The following ADRB1 variants were observed in gnomAD, a reference collection of about 807,000 sequenced individuals.
The protein encoded by ADRB1 is adrenoceptor beta 1.
For missense variants in ADRB1, 635 were observed against 709.1 expected, an observed-to-expected ratio of 0.90 and a Z score of 1.19; for synonymous variants, 365 against 347.2, an observed-to-expected ratio of 1.05 and a Z score of -0.57.
rs1488775011 is a variant in ADRB1 at position 114,045,428 on chromosome 10, C to T, written c.1296C>T (p.Asp432=). The T allele has an allele frequency of 5.6e-6, 7 of 1,242,716 alleles. No individual in the cohort carries two copies. The highest frequency in any genetic ancestry group is 2.8e-4 in the Middle Eastern group (1 of 3,622). 77.0% of individuals were successfully genotyped at this position (1,242,716 alleles called of 1,614,324 possible). A position where few individuals can be genotyped will look rare whatever the true frequency, so the allele number is the denominator to read the frequency against. The change falls in exon 1 of 1, where the codon GAC becomes GAT. Residue 432 remains aspartate (D), a synonymous_variant. Coordinates refer to ENST00000369295, the MANE Select transcript of ADRB1 (RefSeq NM_000684.3). ...PSPGAASDDD[D]DDVVGATPPA... ...CCGGGGCCGCCTCGGACGACGACGA[C>T]GACGATGTCGTCGGGGCCACGCCGC... is the stretch of plus-strand genomic sequence containing the variant.
rs1471446460 is a variant in ADRB1 at position 114,045,536 on chromosome 10, C to A, written c.1404C>A (p.Arg468=). The change falls in exon 1 of 1, where the codon CGC becomes CGA. Residue 468 remains arginine (R), a synonymous_variant. Transcript: ENST00000369295. ...DSDSSLDEPC[R]PGFASESKV is the part of the protein sequence containing the mutation. ...ACTCGAGCCTGGACGAGCCGTGCCG[C>A]CCCGGCTTCGCCTCGGAATCCAAGG... is the stretch of plus-strand genomic sequence containing the variant. 1.5e-6 allele frequency: 2 copies of A among 1,308,790 alleles called. No homozygotes were observed. The highest frequency in any genetic ancestry group is 2.0e-6 in the Non-Finnish European group (2 of 1,025,192). The allele number at this position is 1,308,790 out of a possible 1,614,324, so 81.1% of individuals were successfully genotyped here.
chr10:114,044,948 G>T lies in ADRB1; in HGVS notation c.816G>T (p.Pro272=). 1.6e-6 allele frequency: 2 copies of T among 1,268,034 alleles called. No individual in the cohort carries two copies. The highest frequency in any genetic ancestry group is 2.0e-6 in the Non-Finnish European group (2 of 1,000,678). The allele number at this position is 1,268,034 out of a possible 1,614,324, so 78.5% of individuals were successfully genotyped here. The part of the protein sequence containing the change: ...ERRFLGGPAR[P]PSPSPSPVPA... ...GTTTCCTCGGCGGCCCAGCGCGGCC[G>T]CCCTCGCCCTCGCCCTCGCCCGTCC... Residue 272 remains proline, a synonymous_variant, in exon 1 of 1, where the codon CCG becomes CCT. Transcript: ENST00000369295. This position sits in a 1 kb window ranked among gnomAD's most constrained non-coding sequence, Gnocchi z 7.8.
rs1847551484 is a variant in ADRB1 at position 114,045,576 on chromosome 10, C to T, written c.*10C>T. 7.8e-7 allele frequency: 1 copy of T among 1,280,542 alleles called. No homozygotes were observed. The highest frequency in any genetic ancestry group is 9.9e-7 in the Non-Finnish European group (1 of 1,006,146). 79.3% of individuals were successfully genotyped at this position (1,280,542 alleles called of 1,614,324 possible). ...GGAATCCAAGGTGTAGGGCCCGGCG[C>T]GGGGCGCGGACTCCGGGCACGGCTT... is the stretch of plus-strand genomic sequence containing the variant. On this transcript the variant is annotated 3_prime_UTR_variant, in exon 1 of 1. Transcript: ENST00000369295.
At position 114,045,061 on chromosome 10, in the gene ADRB1, G is replaced by T. The variant is rs1386005709; in HGVS notation, c.929G>T (p.Arg310Leu). 7.2e-7 allele frequency: 1 copy of T among 1,390,860 alleles called. No homozygotes were observed. Among genetic ancestry groups the T allele is most frequent in the Non-Finnish European group, 9.4e-7 (1 of 1,061,098 alleles). 86.2% of individuals were successfully genotyped at this position (1,390,860 alleles called of 1,614,324 possible). The change falls in exon 1 of 1, where the codon CGG becomes CTG. Residue 310 changes from arginine to leucine, a missense_variant. Arg to Leu is a moderately radical substitution (Grantham distance 102). Coordinates refer to ENST00000369295, the MANE Select transcript of ADRB1 (RefSeq NM_000684.3). ...GCCAACGGGCGTGCGGGTAAGCGGC[G>T]GCCCTCGCGCCTCGTGGCCCTGCGC... ...PLANGRAGKR[R>L]PSRLVALREQ...
chr10:114,045,431 C>A lies in ADRB1; in HGVS notation c.1299C>A (p.Asp433Glu). Residue 433 changes from aspartate to glutamate, a missense_variant, in exon 1 of 1, where the codon GAC becomes GAA. By Grantham distance (45) the Asp-to-Glu change is conservative (BLOSUM62 2). Coordinates refer to ENST00000369295, the MANE Select transcript of ADRB1 (RefSeq NM_000684.3). ...GGGCCGCCTCGGACGACGACGACGACGATGTCGTCGGGGCCACGCCGCCCG... is the reference window on the plus strand; with the variant it reads ...GGGCCGCCTCGGACGACGACGACGAAGATGTCGTCGGGGCCACGCCGCCCG... ...SPGAASDDDD[D>E]DVVGATPPAR... 2.4e-6 allele frequency: 3 copies of A among 1,243,218 alleles called. No individual in the cohort carries two copies. Among genetic ancestry groups the A allele is most frequent in the Non-Finnish European group, 3.0e-6 (3 of 992,574 alleles). 77.0% of individuals were successfully genotyped at this position (1,243,218 alleles called of 1,614,324 possible).
At position 114,044,947 on chromosome 10, in the gene ADRB1, C is replaced by CGCCCTG; in HGVS notation, c.820_821insGGCCCT (p.Pro273_Ser274insTrpPro). On this transcript the variant is annotated inframe_insertion, in exon 1 of 1. Transcript: ENST00000369295. This position sits in a 1 kb window ranked among gnomAD's most constrained non-coding sequence, Gnocchi z 7.8. ...CGTTTCCTCGGCGGCCCAGCGCGGCCGCCCTCGCCCTCGCCCTCGCCCGTC... is the reference window on the plus strand; with the variant it reads ...CGTTTCCTCGGCGGCCCAGCGCGGCCGCCCTGGCCCTCGCCCTCGCCCTCGCCCGTC... 1 of 1,268,458 alleles carries CGCCCTG rather than the reference C, an allele frequency of 7.9e-7. No homozygotes were observed. The highest frequency in any genetic ancestry group is 2.9e-5 in the South Asian group (1 of 34,150). 78.6% of individuals were successfully genotyped at this position (1,268,458 alleles called of 1,614,324 possible).
At position 114,045,252 on chromosome 10, in the gene ADRB1, C is replaced by A. The variant is rs1337762937; in HGVS notation, c.1120C>A (p.Pro374Thr). ...GGGCTACGCCAACTCGGCCTTCAACCCCATCATCTACTGCCGCAGCCCCGA... is the reference window on the plus strand; with the variant it reads ...GGGCTACGCCAACTCGGCCTTCAACACCATCATCTACTGCCGCAGCCCCGA... The part of the protein sequence containing the change: ...WLGYANSAFN[P>T]IIYCRSPDFR... The change falls in exon 1 of 1, where the codon CCC becomes ACC. Residue 374 changes from proline (P) to threonine (T), a missense_variant. By Grantham distance (38) the Pro-to-Thr change is conservative (BLOSUM62 -1). Coordinates refer to ENST00000369295, the MANE Select transcript of ADRB1 (RefSeq NM_000684.3). The A allele has an allele frequency of 3.1e-6, 5 of 1,598,134 alleles. No individual in the cohort carries two copies. Among genetic ancestry groups the A allele is most frequent in the Non-Finnish European group, 4.3e-6 (5 of 1,172,290 alleles).
In ADRB1 at chr10:114,044,339, G is replaced by A. The variant is rs116403933; in HGVS notation, c.207G>A (p.Val69=). ...TGGGTCTGCTGATGGCGCTCATCGTGCTGCTCATCGTGGCGGGCAATGTGC... is the reference window on the plus strand; with the variant it reads ...TGGGTCTGCTGATGGCGCTCATCGTACTGCTCATCGTGGCGGGCAATGTGC... ...AGMGLLMALI[V]LLIVAGNVLV... The change falls in exon 1 of 1, where the codon GTG becomes GTA. Residue 69 remains valine, a synonymous_variant. Transcript: ENST00000369295. This position sits in a 1 kb window ranked among gnomAD's most constrained non-coding sequence, Gnocchi z 7.8. 725 of 1,604,038 alleles carry A rather than the reference G, an allele frequency of 4.5e-4. 2 individuals are homozygous for A. In the African/African-American group the frequency reaches 8.5e-3, roughly 19 times the overall value.
At position 114,044,967 on chromosome 10, in the gene ADRB1, C is replaced by T. The variant is rs1327929685; in HGVS notation, c.835C>T (p.Pro279Ser). The change falls in exon 1 of 1, where the codon CCC becomes TCC. Residue 279 changes from proline to serine, a missense_variant. Coordinates refer to ENST00000369295, the MANE Select transcript of ADRB1 (RefSeq NM_000684.3). The surrounding 1 kb of genome is among the most constrained non-coding windows in gnomAD (Gnocchi z 7.8). ...GCGGCCGCCCTCGCCCTCGCCCTCG[C>T]CCGTCCCCGCGCCCGCGCCGCCGCC... The part of the protein sequence containing the change: ...PARPPSPSPS[P>S]VPAPAPPPGP... 5 of 1,218,992 alleles carry T rather than the reference C, an allele frequency of 4.1e-6. No homozygotes were observed. The highest frequency in any genetic ancestry group is 5.1e-6 in the Non-Finnish European group (5 of 972,348). 75.5% of individuals were successfully genotyped at this position (1,218,992 alleles called of 1,614,324 possible). A position where few individuals can be genotyped will look rare whatever the true frequency, so the allele number is the denominator to read the frequency against.
Position 114,044,474 on chromosome 10 carries a change from C to T in ADRB1, c.342C>T (p.Phe114=), listed in dbSNP as rs1327731391. The T allele has an allele frequency of 1.9e-6, 3 of 1,613,470 alleles. No individual in the cohort carries two copies. In the Admixed American group the frequency reaches 5.0e-5, roughly 27 times the overall value. Residue 114 remains phenylalanine (F), a synonymous_variant, in exon 1 of 1, where the codon TTC becomes TTT. Coordinates refer to ENST00000369295, the MANE Select transcript of ADRB1 (RefSeq NM_000684.3). This position sits in a 1 kb window ranked among gnomAD's most constrained non-coding sequence, Gnocchi z 7.8. ...DLVMGLLVVP[F]GATIVVWGRW... ...TCATGGGGCTGCTGGTGGTGCCGTT[C>T]GGGGCCACCATCGTGGTGTGGGGCC... is the stretch of plus-strand genomic sequence containing the variant.
chr10:114,046,266 A>G lies in ADRB1; in HGVS notation c.*700A>G, dbSNP rs950910403. 1 of 167,120 alleles carries G rather than the reference A, an allele frequency of 6.0e-6. No homozygotes were observed. Among genetic ancestry groups the G allele is most frequent in the Non-Finnish European group, 1.5e-5 (1 of 68,138 alleles). 10.4% of individuals were successfully genotyped at this position (167,120 alleles called of 1,614,324 possible). A position where few individuals can be genotyped will look rare whatever the true frequency, so the allele number is the denominator to read the frequency against. On this transcript the variant is annotated 3_prime_UTR_variant, in exon 1 of 1. Coordinates refer to ENST00000369295, the MANE Select transcript of ADRB1 (RefSeq NM_000684.3). ...CGCGCCTGGGTGGTCAGGCTGAGGGATTTCTACCTCACACTGTGCATTTGC... is the reference window on the plus strand; with the variant it reads ...CGCGCCTGGGTGGTCAGGCTGAGGGGTTTCTACCTCACACTGTGCATTTGC...
At position 114,044,859 on chromosome 10, in the gene ADRB1, G is replaced by T. The variant is rs767612956; in HGVS notation, c.727G>T (p.Val243Leu). The T allele has an allele frequency of 2.5e-6, 4 of 1,613,486 alleles. No individual in the cohort carries two copies. The South Asian group carries it at 4.4e-5, about 18-fold the overall frequency. ...CGTGCCCCTGTGCATCATGGCCTTC[G>T]TGTACCTGCGGGTGTTCCGCGAGGC... ...FYVPLCIMAF[V>L]YLRVFREAQK... is the part of the protein sequence containing the mutation. Residue 243 changes from valine (V) to leucine (L), a missense_variant, in exon 1 of 1, where the codon GTG (valine) becomes TTG (leucine). Coordinates refer to ENST00000369295, the MANE Select transcript of ADRB1 (RefSeq NM_000684.3). The surrounding 1 kb of genome is among the most constrained non-coding windows in gnomAD (Gnocchi z 7.8).
rs1394142993 is a variant in ADRB1, at chr10:114,045,024, A to G, written c.892A>G (p.Thr298Ala). Reference protein sequence around the residue: ...GPPRPAAAAATAPLANGRAGK... With the variant: ...GPPRPAAAAAAAPLANGRAGK... ...CCCGCGCCCCGCCGCCGCCGCCGCC[A>G]CCGCCCCGCTGGCCAACGGGCGTGC... is the stretch of plus-strand genomic sequence containing the variant. The change falls in exon 1 of 1, where the codon ACC (threonine) becomes GCC (alanine). Residue 298 changes from threonine to alanine, a missense_variant. Coordinates refer to ENST00000369295, the MANE Select transcript of ADRB1 (RefSeq NM_000684.3). 1.5e-5 allele frequency: 17 copies of G among 1,152,594 alleles called. No homozygotes were observed. The highest frequency in any genetic ancestry group is 1.7e-5 in the African/African-American group (1 of 60,602). 71.4% of individuals were successfully genotyped at this position (1,152,594 alleles called of 1,614,324 possible). A position where few individuals can be genotyped will look rare whatever the true frequency, so the allele number is the denominator to read the frequency against.
chr10:114,044,602 A>G lies in ADRB1; in HGVS notation c.470A>G (p.Tyr157Cys). Residue 157 changes from tyrosine to cysteine, a missense_variant, in exon 1 of 1, where the codon TAC becomes TGC. Physicochemically the swap from Tyr to Cys is radical, Grantham distance 194. Transcript: ENST00000369295. The surrounding 1 kb of genome is among the most constrained non-coding windows in gnomAD (Gnocchi z 7.8). Reference sequence around the variant, plus strand: ...CTGTGTGTCATTGCCCTGGACCGCTACCTCGCCATCACCTCGCCCTTCCGC... The same window carrying G: ...CTGTGTGTCATTGCCCTGGACCGCTGCCTCGCCATCACCTCGCCCTTCCGC... ...ETLCVIALDR[Y>C]LAITSPFRYQ... is the part of the protein sequence containing the mutation. 1.9e-6 allele frequency: 3 copies of G among 1,613,094 alleles called. No homozygotes were observed. The highest frequency in any genetic ancestry group is 2.5e-6 in the Non-Finnish European group (3 of 1,179,890).
Position 114,045,576 on chromosome 10 carries a change from CG to C in ADRB1, c.*14del. Reference sequence around the variant, plus strand: ...GGAATCCAAGGTGTAGGGCCCGGCGCGGGGCGCGGACTCCGGGCACGGCTTC... The same window carrying C: ...GGAATCCAAGGTGTAGGGCCCGGCGCGGGCGCGGACTCCGGGCACGGCTTC... On this transcript the variant is annotated 3_prime_UTR_variant, in exon 1 of 1. Coordinates refer to ENST00000369295, the MANE Select transcript of ADRB1 (RefSeq NM_000684.3). The C allele has an allele frequency of 7.8e-7, 1 of 1,280,540 alleles. No individual in the cohort carries two copies. Among genetic ancestry groups the C allele is most frequent in the Non-Finnish European group, 9.9e-7 (1 of 1,006,146 alleles). 79.3% of individuals were successfully genotyped at this position (1,280,540 alleles called of 1,614,324 possible). A position where few individuals can be genotyped will look rare whatever the true frequency, so the allele number is the denominator to read the frequency against.
In ADRB1 at chr10:114,044,139, G is replaced by A; in HGVS notation, c.7G>A (p.Ala3Thr). The stretch of plus-strand genomic sequence containing the variant: ...CCGGCCTCCGCAGCTCGGCATGGGC[G>A]CGGGGGTGCTCGTCCTGGGCGCCTC... MG[A>T]GVLVLGASEP... The change falls in exon 1 of 1, where the codon GCG (alanine) becomes ACG (threonine). Residue 3 changes from alanine (A) to threonine (T), a missense_variant. Coordinates refer to ENST00000369295, the MANE Select transcript of ADRB1 (RefSeq NM_000684.3). This position sits in a 1 kb window ranked among gnomAD's most constrained non-coding sequence, Gnocchi z 7.8. 7.6e-7 allele frequency: 1 copy of A among 1,310,394 alleles called. No homozygotes were observed. The highest frequency in any genetic ancestry group is 9.6e-7 in the Non-Finnish European group (1 of 1,038,330). The allele number at this position is 1,310,394 out of a possible 1,614,324, so 81.2% of individuals were successfully genotyped here.
chr10:114,044,978 G>A lies in ADRB1; in HGVS notation c.846G>A (p.Ala282=). 9.1e-7 allele frequency: 1 copy of A among 1,102,252 alleles called. No homozygotes were observed. Among genetic ancestry groups the A allele is most frequent in the Non-Finnish European group, 1.1e-6 (1 of 902,566 alleles). 68.3% of individuals were successfully genotyped at this position (1,102,252 alleles called of 1,614,324 possible). A position where few individuals can be genotyped will look rare whatever the true frequency, so the allele number is the denominator to read the frequency against. ...CGCCCTCGCCCTCGCCCGTCCCCGC[G>A]CCCGCGCCGCCGCCCGGACCCCCGC... ...PPSPSPSPVP[A]PAPPPGPPRP... The change falls in exon 1 of 1, where the codon GCG becomes GCA. Residue 282 remains alanine, a synonymous_variant. Coordinates refer to ENST00000369295, the MANE Select transcript of ADRB1 (RefSeq NM_000684.3). The surrounding 1 kb of genome is among the most constrained non-coding windows in gnomAD (Gnocchi z 7.8).
Position 114,044,482 on chromosome 10 carries a change from C to T in ADRB1, c.350C>T (p.Thr117Ile). The T allele has an allele frequency of 6.2e-7, 1 of 1,613,622 alleles. No homozygotes were observed. The highest frequency in any genetic ancestry group is 8.5e-7 in the Non-Finnish European group (1 of 1,179,966). ...MGLLVVPFGA[T>I]IVVWGRWEYG... ...CTGCTGGTGGTGCCGTTCGGGGCCACCATCGTGGTGTGGGGCCGCTGGGAG... is the reference window on the plus strand; with the variant it reads ...CTGCTGGTGGTGCCGTTCGGGGCCATCATCGTGGTGTGGGGCCGCTGGGAG... The change falls in exon 1 of 1, where the codon ACC (threonine) becomes ATC (isoleucine). Residue 117 changes from threonine (T) to isoleucine (I), a missense_variant. Physicochemically the swap from Thr to Ile is moderately conservative, Grantham distance 89 (BLOSUM62 -1). Transcript: ENST00000369295. The surrounding 1 kb of genome is among the most constrained non-coding windows in gnomAD (Gnocchi z 7.8).
chr10:114,044,360 T>C lies in ADRB1; in HGVS notation c.228T>C (p.Asn76=), dbSNP rs140442073. The C allele has an allele frequency of 9.3e-4, 1,496 of 1,607,812 alleles. 10 individuals are homozygous for C. In the African/African-American group the frequency reaches 0.016, roughly 17 times the overall value. Residue 76 remains asparagine, a synonymous_variant, in exon 1 of 1, where the codon AAT becomes AAC. Coordinates refer to ENST00000369295, the MANE Select transcript of ADRB1 (RefSeq NM_000684.3). This position sits in a 1 kb window ranked among gnomAD's most constrained non-coding sequence, Gnocchi z 7.8. ...ALIVLLIVAG[N]VLVIVAIAKT... The stretch of plus-strand genomic sequence containing the variant: ...TCGTGCTGCTCATCGTGGCGGGCAA[T>C]GTGCTGGTGATCGTGGCCATCGCCA...
Sources: gnomAD v4.1 joint callset for allele counts on GRCh38, gnomAD v4.1.1 for gene constraint, Gnocchi (gnomAD v3.1) non-coding constraint, MANE v1.5 for transcripts, NCBI Gene and HGNC (gene_info 2026-07-23, HGNC 2026-07-21) for gene names.